YAP1: variants seen among roughly 807,000 people sequenced by gnomAD.
The protein encoded by YAP1 is Yes1 associated transcriptional regulator.
YAP1 carries 5 observed loss-of-function variants against 56.9 expected under a neutral mutation model. The observed-to-expected ratio is 0.09, with a 90% confidence interval of 0.05 to 0.18. The LOEUF (loss-of-function observed/expected upper bound fraction) is 0.18, where lower values mean the gene tolerates loss of function less well. Ranked by LOEUF, YAP1 falls within the 10% of genes least tolerant of loss-of-function variation. YAP1 has a pLI of 1.00. For missense variants in YAP1, 539 were observed against 651.8 expected (o/e 0.83, Z 1.88); for synonymous variants, 265 against 248.1 (o/e 1.07, Z -0.64).
At chr11:102,168,973 G>A (rs528598173) in intron 3 of YAP1, among the ~76,000 whole-genome samples, 3 of 152,170 alleles carry the variant, frequency 2.0e-5, no homozygotes, top group African/African-American at 4.8e-5. Context: ...TTTATGTGCT[G>A]TAATTCAGAA....
intron 2 of YAP1, among the ~76,000 whole-genome samples, chr11:102,120,166 G>A (rs1008589584): frequency 1.3e-5 from 2 of 152,206 alleles, no homozygotes; most frequent in Non-Finnish European, 2.9e-5. Context: ...TTGCTCAAGT[G>A]CTGTAGCACC....
chr11:102,151,204 C>T, intron 2 of YAP1, among the ~76,000 whole-genome samples: 1 of 152,140 alleles, frequency 6.6e-6, no homozygotes, highest in Non-Finnish European at 1.5e-5. Flanking sequence ...TTCCTGGGTA[C>T]ATTTGGCTAT....
chr11:102,118,406 A>G (rs1463054902), intron 2 of YAP1, among the ~76,000 whole-genome samples: 2 of 151,068 alleles, frequency 1.3e-5, no homozygotes, highest in African/African-American at 4.9e-5. Flanking sequence ...TCCTATATTA[A>G]TTTGCCTTGT....
chr11:102,230,126 C>G lies in YAP1; in HGVS notation c.*186C>G. ...TTGCTGCTGTTAATGTATTGCTGACCTCTTTCACAGTTGGCTCTAAAGAAT... is the reference window on the plus strand; with the variant it reads ...TTGCTGCTGTTAATGTATTGCTGACGTCTTTCACAGTTGGCTCTAAAGAAT... On this transcript the variant is annotated 3_prime_UTR_variant, in exon 9 of 9. Coordinates refer to ENST00000282441, the MANE Select transcript of YAP1 (RefSeq NM_001130145.3). 1.8e-6 allele frequency: 1 copy of G among 554,010 alleles called. No homozygotes were observed. Among genetic ancestry groups the G allele is most frequent in the Non-Finnish European group, 3.2e-6 (1 of 314,740 alleles). 34.3% of individuals were successfully genotyped at this position (554,010 alleles called of 1,614,324 possible). A position where few individuals can be genotyped will look rare whatever the true frequency, so the allele number is the denominator to read the frequency against.
At chr11:102,229,377 CTGTCGTGTTGTGTACT>C (rs1232146588) in intron 8 of YAP1, among the ~76,000 whole-genome samples, 4 of 152,156 alleles carry the variant, frequency 2.6e-5, no homozygotes, top group Non-Finnish European at 5.9e-5. Flanking sequence ...GGTAGTGATG[CTGTCGTGTTGTGTACT>C]TGTTCTTTCT....
At chr11:102,215,786 AT>A (rs1949632074) in intron 6 of YAP1, among the ~76,000 whole-genome samples, 1 of 152,104 alleles carries the variant, frequency 6.6e-6, no homozygotes, top group African/African-American at 2.4e-5. Context: ...GCCTGTTAAT[AT>A]TTTTATATGC....
At chr11:102,175,010 A>C (rs1403259922) in intron 3 of YAP1, among the ~76,000 whole-genome samples, 1 of 152,162 alleles carries the variant, frequency 6.6e-6, no homozygotes, top group Non-Finnish European at 1.5e-5. Flanking sequence ...AGCGTGTTCT[A>C]GTAGTTTGGC....
intron 1 of YAP1, among the ~76,000 whole-genome samples, chr11:102,113,304 A>G (rs1038102919): frequency 6.6e-5 from 10 of 152,218 alleles, no homozygotes; most frequent in African/African-American, 2.4e-4. Flanking sequence ...AAGTTCTTTC[A>G]TATACATCCA....
At chr11:102,206,927 AG>A (rs1380552885) in intron 5 of YAP1, among the ~76,000 whole-genome samples, 1 of 141,718 alleles carries the variant, frequency 7.1e-6, no homozygotes, top group African/African-American at 2.7e-5. Context: ...TTTTGGGGAA[AG>A]TAGGACATAG....
chr11:102,199,546 T>C (rs1025692521), intron 4 of YAP1, among the ~76,000 whole-genome samples: 3 of 152,230 alleles, frequency 2.0e-5, no homozygotes, highest in East Asian at 1.9e-4. Flanking sequence ...ATGTTTTTTT[T>C]CCATATGAGA....
chr11:102,221,720 C>T (rs1270408127), intron 6 of YAP1, among the ~76,000 whole-genome samples: 1 of 149,464 alleles, frequency 6.7e-6, no homozygotes, highest in Non-Finnish European at 1.5e-5. Flanking sequence ...GAGACCCTGT[C>T]TCAAAAAGAT....
chr11:102,190,233 GTTATC>G (rs2135527376), intron 4 of YAP1, among the ~76,000 whole-genome samples: 1 of 152,192 alleles, frequency 6.6e-6, no homozygotes, highest in African/African-American at 2.4e-5. Flanking sequence ...GTCTTTCCTG[GTTATC>G]CTGGGCTGTC....
At chr11:102,122,498 G>A (rs1043103696) in intron 2 of YAP1, among the ~76,000 whole-genome samples, 1 of 152,082 alleles carries the variant, frequency 6.6e-6, no homozygotes, top group Non-Finnish European at 1.5e-5. Context: ...GAAGAACCTT[G>A]TTTTCATAGC....
intron 3 of YAP1, among the ~76,000 whole-genome samples, chr11:102,164,318 C>T (rs1241994553): frequency 6.6e-6 from 1 of 152,128 alleles, no homozygotes; most frequent in Non-Finnish European, 1.5e-5. Context: ...CAGGCGTGAG[C>T]CACCATGCCT....
chr11:102,136,207 T>C (rs1320176355), intron 2 of YAP1, among the ~76,000 whole-genome samples: 4 of 152,230 alleles, frequency 2.6e-5, no homozygotes, highest in Admixed American at 6.5e-5. Context: ...TTCATATACA[T>C]TTTGGTCATT....
intron 2 of YAP1, among the ~76,000 whole-genome samples, chr11:102,157,146 T>C (rs947586066): frequency 2.6e-5 from 4 of 152,198 alleles, no homozygotes; most frequent in Non-Finnish European, 4.4e-5. Flanking sequence ...GATTCTGATA[T>C]CCTGTAGTGC....
At chr11:102,120,587 C>A (rs1943590404) in intron 2 of YAP1, among the ~76,000 whole-genome samples, 1 of 152,190 alleles carries the variant, frequency 6.6e-6, no homozygotes, top group African/African-American at 2.4e-5. Context: ...TCAAGTTCTT[C>A]AGCAGGATTC....
intron 3 of YAP1, among the ~76,000 whole-genome samples, chr11:102,181,781 C>G (rs868158525): frequency 6.6e-6 from 1 of 152,134 alleles, no homozygotes; most frequent in South Asian, 2.1e-4. Context: ...AGAAATACTT[C>G]TGTACTAGCT....
intron 4 of YAP1, among the ~76,000 whole-genome samples, chr11:102,197,796 C>G (rs1246146097): frequency 6.6e-6 from 1 of 152,078 alleles, no homozygotes; most frequent in African/African-American, 2.4e-5. Flanking sequence ...AGTTGATAGC[C>G]AGAGGAAGAA....
Sources: gnomAD v4.1 joint callset for allele counts (sites outside exome capture counted in the v4.1 genomes callset) on GRCh38, gnomAD v4.1.1 for gene constraint, MANE v1.5 for transcripts, NCBI Gene and HGNC (gene_info 2026-07-23, HGNC 2026-07-21) for gene names.